The following SGCZ variants were observed in gnomAD, a reference collection of about 807,000 sequenced individuals.
The protein encoded by SGCZ is zeta-sarcoglycan.
A neutral mutation model predicts 41.3 loss-of-function variants in SGCZ; 40 were observed. The ratio of observed to expected loss-of-function variants is 0.97; its 90% CI spans 0.75 to 1.26. The LOEUF (loss-of-function observed/expected upper bound fraction) is 1.26, where lower values mean the gene tolerates loss of function less well. Among genes scored for constraint, SGCZ ranks in the 50% most tolerant of loss-of-function variants. The pLI, the probability that SGCZ is intolerant of heterozygous loss-of-function variation, is 0.00. For synonymous variants in SGCZ, 206 were observed against 137.5 expected (o/e 1.50, Z -3.49); for missense variants, 552 against 369.8 (o/e 1.49, Z -4.04).
chr8:14,238,706 A>T (rs1053279901), intron 3 of SGCZ, among the ~76,000 whole-genome samples: 2 of 152,166 alleles, frequency 1.3e-5, no homozygotes, highest in Non-Finnish European at 2.9e-5. Flanking sequence ...TTTATTCAAT[A>T]AATATTCATT....
At chr8:14,263,535 T>TGA (rs1436888376) in intron 3 of SGCZ, among the ~76,000 whole-genome samples, 2 of 151,882 alleles carry the variant, frequency 1.3e-5, no homozygotes, top group African/African-American at 4.8e-5. Flanking sequence ...AATGAGAAAA[T>TGA]GAGATTCTGT....
chr8:15,142,748 C>G (rs1585607753), intron 1 of SGCZ, among the ~76,000 whole-genome samples: 1 of 150,542 alleles, frequency 6.6e-6, no homozygotes, highest in African/African-American at 2.4e-5. Flanking sequence ...AGTAGCTGGG[C>G]CTACAGGCAC....
chr8:14,469,359 A>G (rs1224900424), intron 2 of SGCZ, among the ~76,000 whole-genome samples: 1 of 151,286 alleles, frequency 6.6e-6, no homozygotes, highest in Non-Finnish European at 1.5e-5. Context: ...TGGAGATCTC[A>G]GTCTGGTCTA....
At chr8:14,254,396 T>C (rs531703242) in intron 3 of SGCZ, among the ~76,000 whole-genome samples, 1 of 152,368 alleles carries the variant, frequency 6.6e-6, no homozygotes, top group South Asian at 2.1e-4. Flanking sequence ...TGCCCTGCAC[T>C]GCTGGCACTG....
chr8:15,012,859 C>CT (rs895148000), intron 1 of SGCZ, among the ~76,000 whole-genome samples: 6 of 150,478 alleles, frequency 4.0e-5, no homozygotes, highest in Admixed American at 3.3e-4. Flanking sequence ...TAATTTTCAG[C>CT]TTTTTTTTCC....
chr8:14,739,528 A>C (rs1440781537), intron 1 of SGCZ, among the ~76,000 whole-genome samples: 2 of 152,082 alleles, frequency 1.3e-5, no homozygotes, highest in African/African-American at 4.8e-5. Flanking sequence ...TTGAAATCAA[A>C]AATTACCCAC....
In SGCZ at chr8:14,761,514, T is replaced by C. The variant is rs959152; in HGVS notation, c.40-206588A>G. Among the ~76,000 whole-genome samples the C allele has an allele frequency of 7.3e-3, 1,085 of 149,440 alleles. 17 individuals carry two copies. The highest frequency in any genetic ancestry group is 0.025 in the African/African-American group (1,016 of 40,896). ...TTGTACATGTTTCTATTATTATTAT[T>C]ATTATTTTATTTATTTATTTATTTA... is the stretch of plus-strand genomic sequence containing the variant. On this transcript the variant is annotated intron_variant, in intron 1 of 7. Coordinates refer to ENST00000382080, the MANE Select transcript of SGCZ (RefSeq NM_139167.4).
intron 1 of SGCZ, among the ~76,000 whole-genome samples, chr8:15,054,406 A>T (rs1804628563): frequency 6.6e-6 from 1 of 152,062 alleles, no homozygotes; most frequent in Non-Finnish European, 1.5e-5. Context: ...GCCAGTGCAG[A>T]TCCTGGTGTC....
chr8:14,992,868 C>T (rs181447528), intron 1 of SGCZ, among the ~76,000 whole-genome samples: 1 of 134,930 alleles, frequency 7.4e-6, no homozygotes, highest in Non-Finnish European at 1.6e-5. Context: ...GTGTTCCCCT[C>T]AATATTTACC....
chr8:14,148,104 G>T (rs987509511), intron 5 of SGCZ, among the ~76,000 whole-genome samples: 1 of 152,090 alleles, frequency 6.6e-6, no homozygotes, highest in African/African-American at 2.4e-5. Context: ...CAAAAAAGAG[G>T]AAAGCCTTCA....
intron 1 of SGCZ, among the ~76,000 whole-genome samples, chr8:14,617,641 T>A (rs1423823965): frequency 6.6e-6 from 1 of 152,036 alleles, no homozygotes; most frequent in Non-Finnish European, 1.5e-5. Context: ...GGAGTGGTAA[T>A]CCAGGGAAAA....
chr8:14,537,757 G>C (rs1346103095), intron 2 of SGCZ, among the ~76,000 whole-genome samples: 1 of 151,772 alleles, frequency 6.6e-6, no homozygotes, highest in Non-Finnish European at 1.5e-5. Context: ...GTTTGTACAG[G>C]GAAATTGCTG....
At chr8:14,717,500 T>C (rs1345753051) in intron 1 of SGCZ, among the ~76,000 whole-genome samples, 2 of 152,086 alleles carry the variant, frequency 1.3e-5, no homozygotes, top group African/African-American at 4.8e-5. Flanking sequence ...TGGAAGGTAC[T>C]GGTAAGAGTG....
intron 1 of SGCZ, among the ~76,000 whole-genome samples, chr8:15,126,063 T>C (rs938604039): frequency 5.3e-5 from 8 of 152,280 alleles, no homozygotes; most frequent in African/African-American, 1.9e-4. Context: ...GGAAAATTGC[T>C]TGAACCCTGG....
chr8:14,173,455 AAT>A (rs36045662), intron 4 of SGCZ, among the ~76,000 whole-genome samples: 46,301 of 151,882 alleles, frequency 0.3, 7,749 homozygotes, highest in East Asian at 0.69. Context: ...TGAAAAATTC[AAT>A]ATGTTAAGTG....
At chr8:14,111,039 C>T (rs1023179271) in intron 5 of SGCZ, among the ~76,000 whole-genome samples, 3 of 149,576 alleles carry the variant, frequency 2.0e-5, no homozygotes, top group African/African-American at 5.0e-5. Flanking sequence ...GGGCAACAAA[C>T]GGAGACTATA....
chr8:15,236,175 T>A (rs577562245), intron 1 of SGCZ, among the ~76,000 whole-genome samples: 4 of 152,134 alleles, frequency 2.6e-5, no homozygotes, highest in Non-Finnish European at 5.9e-5. Flanking sequence ...CTGTCCTCCC[T>A]CCGTCCTGGA....
chr8:14,376,822 A>G (rs1470015465), intron 2 of SGCZ, among the ~76,000 whole-genome samples: 1 of 152,244 alleles, frequency 6.6e-6, no homozygotes, highest in African/African-American at 2.4e-5. Context: ...TGAAAAAATG[A>G]TAATACATAA....
intron 4 of SGCZ, among the ~76,000 whole-genome samples, chr8:14,167,147 A>C (rs570334324): frequency 1.3e-5 from 2 of 152,288 alleles, no homozygotes; most frequent in Non-Finnish European, 2.9e-5. Flanking sequence ...TTGGGGATAT[A>C]GTCAATTATT....
Sources: gnomAD v4.1 joint callset for allele counts (sites outside exome capture counted in the v4.1 genomes callset) on GRCh38, gnomAD v4.1.1 for gene constraint, MANE v1.5 for transcripts, NCBI Gene and HGNC (gene_info 2026-07-23, HGNC 2026-07-21) for gene names.